DPP6: variants seen among roughly 807,000 people sequenced by gnomAD.
DPP6 encodes dipeptidyl peptidase like 6.
DPP6 carries 69 observed loss-of-function variants against 122.6 expected under a neutral mutation model. That is an observed-to-expected ratio of 0.56 (90% confidence interval 0.46 to 0.69). DPP6 has a LOEUF of 0.69. Ranked by LOEUF, DPP6 falls within the 30% of genes least tolerant of loss-of-function variation. The pLI is 0.00. For missense variants in DPP6, 928 were observed against 1,116.9 expected, an observed-to-expected ratio of 0.83 and a Z score of 2.41; for synonymous variants, 418 against 433.1, an observed-to-expected ratio of 0.97 and a Z score of 0.43.
intron 1 of DPP6, among the ~76,000 whole-genome samples, chr7:153,986,157 C>T (rs1309461437): frequency 1.3e-5 from 2 of 152,206 alleles, no homozygotes; most frequent in African/African-American, 4.8e-5. Context: ...TCAAACCAAA[C>T]CCTTTTCTTT....
chr7:154,852,278 G>C (rs6971537), intron 16 of DPP6, among the ~76,000 whole-genome samples: 139,552 of 152,230 alleles, frequency 0.92, 64,121 homozygotes, highest in East Asian at 1. Context: ...TAGTGTGCAT[G>C]CTTCAGCTTT....
chr7:153,887,751 G>C (rs747090629), intron 1 of DPP6: 3 of 1,612,252 alleles, frequency 1.9e-6, no homozygotes, highest in Non-Finnish European at 2.5e-6. Flanking sequence ...GCCACGGACA[G>C]GGCGCGCGCT....
At chr7:154,582,842 C>G in intron 5 of DPP6, among the ~76,000 whole-genome samples, 1 of 152,170 alleles carries the variant, frequency 6.6e-6, no homozygotes, top group East Asian at 1.9e-4. Context: ...GGAATGAGTG[C>G]TCAGGGCTCA....
chr7:153,881,662 G>A, the DPP6 span, among the ~76,000 whole-genome samples: 2 of 152,022 alleles, frequency 1.3e-5, no homozygotes, highest in African/African-American at 4.8e-5. Flanking sequence ...TGTAGGACAC[G>A]GCTCACATGG....
chr7:153,818,570 T>C, the DPP6 span, among the ~76,000 whole-genome samples: 13 of 152,294 alleles, frequency 8.5e-5, no homozygotes, highest in East Asian at 2.3e-3. Flanking sequence ...ATATATTGTA[T>C]GGTGCCATTT....
chr7:154,738,240 C>A (rs1250021471), intron 8 of DPP6, among the ~76,000 whole-genome samples: 1 of 151,886 alleles, frequency 6.6e-6, no homozygotes, highest in Admixed American at 6.6e-5. Flanking sequence ...ATCTCCAGGG[C>A]CCCCCCAGCA....
At chr7:154,742,799 T>C (rs1842872568) in intron 8 of DPP6, among the ~76,000 whole-genome samples, 1 of 152,164 alleles carries the variant, frequency 6.6e-6, no homozygotes, top group African/African-American at 2.4e-5. Flanking sequence ...CAGGGAACGG[T>C]GGCCTCTCCC....
chr7:154,328,195 G>A (rs1585953845), intron 1 of DPP6, among the ~76,000 whole-genome samples: 2 of 152,276 alleles, frequency 1.3e-5, no homozygotes, highest in East Asian at 3.9e-4. Flanking sequence ...AGTGTAATAT[G>A]TGATCAGGGT....
intron 10 of DPP6, among the ~76,000 whole-genome samples, chr7:154,783,403 C>A (rs138681509): frequency 3.3e-4 from 50 of 152,224 alleles, no homozygotes; most frequent in African/African-American, 1.1e-3. Context: ...CAATGATGTC[C>A]CTGTATGACA....
chr7:153,931,649 G>A (rs1801176392), intron 1 of DPP6, among the ~76,000 whole-genome samples: 1 of 152,204 alleles, frequency 6.6e-6, no homozygotes, highest in Non-Finnish European at 1.5e-5. Context: ...CTTTCTTTGA[G>A]CACTTATTTC....
chr7:154,587,606 A>T, intron 5 of DPP6: 2 of 1,513,006 alleles, frequency 1.3e-6, no homozygotes, highest in South Asian at 2.6e-5. Flanking sequence ...ATAGAAATGG[A>T]ATTGAGCTTT....
chr7:154,155,958 A>T (rs1796656403), intron 1 of DPP6, among the ~76,000 whole-genome samples: 1 of 152,220 alleles, frequency 6.6e-6, no homozygotes, highest in Non-Finnish European at 1.5e-5. Context: ...CTTAGACCTA[A>T]GGGGCCCCAG....
chr7:153,902,124 G>A (rs1563218862), intron 1 of DPP6, among the ~76,000 whole-genome samples: 1 of 152,222 alleles, frequency 6.6e-6, no homozygotes, highest in Non-Finnish European at 1.5e-5. Context: ...GAATGGTGAT[G>A]CACATCACAG....
At chr7:154,185,490 C>T (rs1032681358) in intron 1 of DPP6, among the ~76,000 whole-genome samples, 1 of 151,978 alleles carries the variant, frequency 6.6e-6, no homozygotes, top group Non-Finnish European at 1.5e-5. Flanking sequence ...ATCCTGAAGC[C>T]GATGTTCAGT....
At chr7:154,234,911 C>T (rs891936147) in intron 1 of DPP6, among the ~76,000 whole-genome samples, 2 of 152,152 alleles carry the variant, frequency 1.3e-5, no homozygotes, top group African/African-American at 4.8e-5. Flanking sequence ...GCCTGGGATC[C>T]CCGTGCCTCC....
At chr7:154,840,235 A>G (rs924762548) in intron 16 of DPP6, among the ~76,000 whole-genome samples, 6 of 152,166 alleles carry the variant, frequency 3.9e-5, no homozygotes, top group African/African-American at 1.4e-4. Flanking sequence ...CTGAGAATGG[A>G]AGTCGCTACC....
intron 1 of DPP6, among the ~76,000 whole-genome samples, chr7:153,982,009 C>T (rs866690048): frequency 3.3e-5 from 5 of 152,202 alleles, no homozygotes; most frequent in African/African-American, 7.2e-5. Context: ...GTGAATCTGA[C>T]GATTATGTAT....
Position 154,234,669 on chromosome 7 carries a change from C to A in DPP6, c.243+181606C>A, listed in dbSNP as rs550764444. Among the ~76,000 whole-genome samples, 5 of 152,228 alleles carry A rather than the reference C, an allele frequency of 3.3e-5. No homozygotes were observed. The South Asian group carries it at 8.3e-4, about 25-fold the overall frequency. ...AATCAACACTCAACACGCAAACACCCAACACACACATGCACACACACTTTC... is the reference window on the plus strand; with the variant it reads ...AATCAACACTCAACACGCAAACACCAAACACACACATGCACACACACTTTC... On this transcript the variant is annotated intron_variant, in intron 1 of 25. Coordinates refer to ENST00000377770, the MANE Select transcript of DPP6 (RefSeq NM_130797.4).
intron 10 of DPP6, among the ~76,000 whole-genome samples, chr7:154,773,248 C>T (rs368658888): frequency 6.6e-5 from 10 of 152,258 alleles, no homozygotes; most frequent in South Asian, 2.1e-4. Flanking sequence ...GGAAATGATG[C>T]GGTCTTCCCA....
Sources: allele counts gnomAD v4.1 joint callset (sites outside exome capture counted in the v4.1 genomes callset), GRCh38; gene constraint gnomAD v4.1.1; transcripts MANE v1.5; gene names NCBI Gene and HGNC (gene_info 2026-07-23, HGNC 2026-07-21).